Variants in PIWIL3 observed in about 807,000 individuals in gnomAD.
PIWIL3 encodes piwi like RNA-mediated gene silencing 3.
A neutral mutation model predicts 109.7 loss-of-function variants in PIWIL3; 101 were observed. The ratio of observed to expected loss-of-function variants is 0.92; its 90% confidence interval spans 0.78 to 1.09. The LOEUF (loss-of-function observed/expected upper bound fraction) is 1.09. Ranked by LOEUF, PIWIL3 falls within the 50% of genes least tolerant of loss-of-function variation. The pLI is 0.00. For synonymous variants in PIWIL3, 373 were observed against 376.4 expected (o/e 0.99, Z 0.10); for missense variants, 1,031 against 1,072.6 (o/e 0.96, Z 0.54).
intron 14 of PIWIL3, among the ~76,000 whole-genome samples, chr22:24,730,296 G>A (rs889287104): frequency 2.7e-5 from 4 of 149,516 alleles, no homozygotes; most frequent in East Asian, 2.0e-4. Context: ...ACTGGGAGGC[G>A]GAGGTTGCAG....
At chr22:24,766,612 G>A (rs1427152637) in intron 1 of PIWIL3, among the ~76,000 whole-genome samples, 1 of 151,984 alleles carries the variant, frequency 6.6e-6, no homozygotes, top group Non-Finnish European at 1.5e-5. Flanking sequence ...GTGAGCCACC[G>A]CGCCTGGCCT....
chr22:24,719,698 G>GAAT, intron 20 of PIWIL3, 50 bp downstream of exon 20: 1 of 1,574,194 alleles, frequency 6.4e-7, no homozygotes, highest in Non-Finnish European at 8.7e-7. Flanking sequence ...GTTCAATGTT[G>GAAT]AATAGTACAT....
Position 24,734,122 on chromosome 22 carries a change from CTA to C in PIWIL3, c.1667_1668del (p.Ile556ArgfsTer8). 2 of 1,612,754 alleles carry C rather than the reference CTA, an allele frequency of 1.2e-6. No homozygotes were observed. Among genetic ancestry groups the C allele is most frequent in the Non-Finnish European group, 8.5e-7 (1 of 1,179,582 alleles). ...IEVDGDANSYIDTLRKYTRPT... is the reference protein window; with the variant it reads ...IEVDGDANSYXDTLRKYTRPT... ...GGTCTAGTATATTTCCGTAATGTGT[CTA>C]TATAGGAGTTAGCATCACCATCTAC... On this transcript the variant is annotated frameshift_variant, in exon 14 of 21. Coordinates refer to ENST00000616349, the MANE Select transcript of PIWIL3 (RefSeq NM_001255975.1). LOFTEE classifies it high-confidence loss of function.
At chr22:24,725,062 AT>A in intron 17 of PIWIL3, 25 bp from the exon 18 acceptor site, 1 of 1,612,658 alleles carries the variant, frequency 6.2e-7, no homozygotes, top group South Asian at 1.1e-5. Flanking sequence ...GAAAAAGTAA[AT>A]AAACCGTTAC....
chr22:24,753,462 G>A (rs1924829194), intron 8 of PIWIL3, among the ~76,000 whole-genome samples: 1 of 152,136 alleles, frequency 6.6e-6, no homozygotes, highest in Non-Finnish European at 1.5e-5. Flanking sequence ...TTAACCTTCT[G>A]TACTCTATTT....
rs1924853261 is a variant in PIWIL3, at chr22:24,753,895, C to T, written c.977+119G>A. 6.1e-6 allele frequency: 5 copies of T among 820,096 alleles called. No individual in the cohort carries two copies. In the South Asian group the frequency reaches 8.8e-5, roughly 14 times the overall value. The allele number at this position is 820,096 out of a possible 1,614,324, so 50.8% of individuals were successfully genotyped here. On this transcript the variant is annotated intron_variant, in intron 8 of 20. Transcript: ENST00000616349. ...CAGAGGAGAGACGTGTTCAGTTGTT[C>T]TTGCAATTTCTACTCCTCAACTTCA...
intron 8 of PIWIL3, among the ~76,000 whole-genome samples, chr22:24,752,223 G>A (rs1924752290): frequency 6.6e-6 from 1 of 152,032 alleles, no homozygotes; most frequent in Admixed American, 6.5e-5. Context: ...CTAACAAAAA[G>A]CAGCCTGAAA....
In PIWIL3 at chr22:24,722,775, C is replaced by T. The variant is rs182713074; in HGVS notation, c.2357+355G>A. Among the ~76,000 whole-genome samples, 4 of 152,142 alleles carry T rather than the reference C, an allele frequency of 2.6e-5. No individual in the cohort carries two copies. In the East Asian group the frequency reaches 7.7e-4, roughly 29 times the overall value. Reference sequence around the variant, plus strand: ...GCTACTGCATAAACATTTTGATGGTCGTGATATAGTCAATATAATTTGATT... The same window carrying T: ...GCTACTGCATAAACATTTTGATGGTTGTGATATAGTCAATATAATTTGATT... On this transcript the variant is annotated intron_variant, in intron 19 of 20. Coordinates refer to ENST00000616349, the MANE Select transcript of PIWIL3 (RefSeq NM_001255975.1).
chr22:24,734,307 C>G (rs1601829160), intron 13 of PIWIL3, 151 bp from the exon 14 acceptor site: 1 of 1,286,590 alleles, frequency 7.8e-7, no homozygotes. Context: ...AGACAGTAGA[C>G]TTTCAGTTTC....
chr22:24,729,151 G>A (rs770481521), intron 14 of PIWIL3, among the ~76,000 whole-genome samples: 5 of 152,204 alleles, frequency 3.3e-5, no homozygotes, highest in Admixed American at 6.5e-5. Context: ...CTGCACAGAT[G>A]AGGACAGTTA....
chr22:24,744,079 C>T (rs1187006499), intron 12 of PIWIL3, among the ~76,000 whole-genome samples: 4 of 145,788 alleles, frequency 2.7e-5, no homozygotes, highest in Non-Finnish European at 6.0e-5. Flanking sequence ...GACTATAAAA[C>T]CGGAAAACAC....
At position 24,757,615 on chromosome 22, in the gene PIWIL3, T is replaced by TACACACAC. The variant is rs139481317; in HGVS notation, c.355+285_355+292dup. On this transcript the variant is annotated intron_variant, in intron 4 of 20. Transcript: ENST00000616349. ...AGACCGTGTCTCTACAAAATTTACA[T>TACACACAC]ACACACACACACACACACACACATA... Among the ~76,000 whole-genome samples the TACACACAC allele has an allele frequency of 4.7e-3, 371 of 78,916 alleles. 7 individuals carry two copies. Among genetic ancestry groups the TACACACAC allele is most frequent in the Middle Eastern group, 0.021 (3 of 140 alleles). 51.8% of individuals were successfully genotyped at this position (78,916 alleles called of 152,430 possible).
chr22:24,721,761 C>A (rs890254552), intron 19 of PIWIL3, among the ~76,000 whole-genome samples: 2 of 151,736 alleles, frequency 1.3e-5, no homozygotes, highest in African/African-American at 2.4e-5. Context: ...CTTTTTATAT[C>A]TTTTCTTATT....
At chr22:24,729,363 C>T (rs1923197726) in intron 14 of PIWIL3, among the ~76,000 whole-genome samples, 1 of 152,136 alleles carries the variant, frequency 6.6e-6, no homozygotes, top group Non-Finnish European at 1.5e-5. Flanking sequence ...GAGACGGTTT[C>T]ATTGACCCTA....
intron 12 of PIWIL3, among the ~76,000 whole-genome samples, chr22:24,736,863 A>G (rs903944824): frequency 2.6e-5 from 4 of 152,188 alleles, no homozygotes; most frequent in African/African-American, 9.6e-5. Context: ...ATGGCCACCC[A>G]TAGGGGGAAC....
At chr22:24,752,812 G>C (rs370207019) in intron 8 of PIWIL3, among the ~76,000 whole-genome samples, 2 of 152,154 alleles carry the variant, frequency 1.3e-5, no homozygotes, top group African/African-American at 4.8e-5. Flanking sequence ...AGTTGCTTCT[G>C]ATCTTTCCAC....
chr22:24,757,939 T>A lies in PIWIL3; in HGVS notation c.324A>T (p.Gln108His). ...VFQDLVVNTR[Q>H]DMKHVKDSKT... The stretch of plus-strand genomic sequence containing the variant: ...TTGAGTCTTTAACATGCTTCATATC[T>A]TGCCTGGTGTTCACCACCAGGTCTT... The change falls in exon 4 of 21, where the codon CAA becomes CAT. Residue 108 changes from glutamine to histidine, a missense_variant. Transcript: ENST00000616349. 1.1e-5 allele frequency: 18 copies of A among 1,613,538 alleles called. No homozygotes were observed. Among genetic ancestry groups the A allele is most frequent in the Non-Finnish European group, 1.4e-5 (16 of 1,179,806 alleles).
chr22:24,764,561 T>A (rs1424036713), intron 1 of PIWIL3, among the ~76,000 whole-genome samples: 1 of 151,962 alleles, frequency 6.6e-6, no homozygotes, highest in Non-Finnish European at 1.5e-5. Context: ...ATAAAAAACC[T>A]TGTCTCTTGT....
At chr22:24,742,804 T>C (rs1320119535) in intron 12 of PIWIL3, among the ~76,000 whole-genome samples, 2 of 152,158 alleles carry the variant, frequency 1.3e-5, no homozygotes, top group African/African-American at 4.8e-5. Flanking sequence ...TTCTAGAAGA[T>C]AACATCAGAA....
Sources: allele counts gnomAD v4.1 joint callset (sites outside exome capture counted in the v4.1 genomes callset), GRCh38; gene constraint gnomAD v4.1.1; transcripts MANE v1.5; gene names NCBI Gene and HGNC (gene_info 2026-07-23, HGNC 2026-07-21).